SEC23A: variants seen among roughly 807,000 people sequenced by gnomAD.
SEC23A encodes the protein protein transport protein Sec23A.
In SEC23A, 56 loss-of-function variants were observed where a neutral mutation model predicts 103.7. The ratio of observed to expected loss-of-function variants is 0.54; its 90% CI spans 0.44 to 0.67. The LOEUF is 0.67. Among genes scored for constraint, SEC23A ranks in the 30% least tolerant of loss-of-function variants. The pLI is 0.00. For synonymous variants in SEC23A, 281 were observed against 293.0 expected (o/e 0.96, Z 0.42); for missense variants, 784 against 936.4 (o/e 0.84, Z 2.12).
chr14:39,073,646 A>G (rs1460744268), intron 9 of SEC23A, among the ~76,000 whole-genome samples: 24 of 104,914 alleles, frequency 2.3e-4, no homozygotes, highest in African/African-American at 7.8e-4. Flanking sequence ...GTCTAACTCT[A>G]TCGCCAAGGC....
intron 7 of SEC23A, among the ~76,000 whole-genome samples, chr14:39,080,452 G>C (rs982464465): frequency 1.3e-5 from 2 of 152,236 alleles, no homozygotes; most frequent in Admixed American, 1.3e-4. Context: ...TGTCGGCCAG[G>C]CTGGAGTGCA....
rs756632254 is a variant in SEC23A, at chr14:39,095,922, C to T, written c.197G>A (p.Cys66Tyr). 5 of 1,613,780 alleles carry T rather than the reference C, an allele frequency of 3.1e-6. No homozygotes were observed. The highest frequency in any genetic ancestry group is 3.4e-6 in the Non-Finnish European group (4 of 1,179,696). ...YEPVLCSRTTCRAVLNPLCQV... is the reference protein window; with the variant it reads ...YEPVLCSRTTYRAVLNPLCQV... The stretch of plus-strand genomic sequence containing the variant: ...CCATAAAGGATTCAAAACTGCACGG[C>T]AAGTGGTCCTACTACACAGAACAGG... The change falls in exon 2 of 20, where the codon TGC (cysteine) becomes TAC (tyrosine). Residue 66 changes from cysteine (C) to tyrosine (Y), a missense_variant. Physicochemically the swap from Cys to Tyr is radical, Grantham distance 194. Around this residue, in one of 2 missense-constraint regions of SEC23A, gnomAD observed 683 missense variants for 774.2 expected, o/e 0.88. Transcript: ENST00000307712.
intron 18 of SEC23A, chr14:39,040,445 T>C (rs1385211263): frequency 5.0e-6 from 2 of 400,614 alleles, no homozygotes; most frequent in African/African-American, 4.0e-5. Context: ...CATTTTCTTG[T>C]TCAACCAAAG....
chr14:39,075,638 C>T (rs1886986777), intron 8 of SEC23A, among the ~76,000 whole-genome samples: 1 of 152,084 alleles, frequency 6.6e-6, no homozygotes, highest in African/African-American at 2.4e-5. Flanking sequence ...ACAACTTTTC[C>T]TAAACAGAAA....
chr14:39,065,519 C>T (rs1267389650), intron 10 of SEC23A, among the ~76,000 whole-genome samples: 3 of 152,178 alleles, frequency 2.0e-5, no homozygotes, highest in African/African-American at 7.2e-5. Context: ...CTAATGACTT[C>T]TGCCTACACA....
chr14:39,064,897 A>G lies in SEC23A; in HGVS notation c.1308+16T>C. 1 of 1,578,850 alleles carries G rather than the reference A, an allele frequency of 6.3e-7. No homozygotes were observed. The highest frequency in any genetic ancestry group is 8.7e-7 in the Non-Finnish European group (1 of 1,148,130). On this transcript the variant is annotated intron_variant, in intron 11 of 19. Coordinates refer to ENST00000307712, the MANE Select transcript of SEC23A (RefSeq NM_006364.4). ...TCCTGGTCCTGTATTTTCTTTTTAG[A>G]ATAAACACAACTTACATTTTCAGAC...
At chr14:39,049,894 G>A (rs1216323848) in intron 14 of SEC23A, among the ~76,000 whole-genome samples, 1 of 151,426 alleles carries the variant, frequency 6.6e-6, no homozygotes, top group South Asian at 2.1e-4. Flanking sequence ...CCAGGTTCAC[G>A]CCATTCTCCT....
At chr14:39,056,708 C>A (rs8014205) in intron 13 of SEC23A, among the ~76,000 whole-genome samples, 7,935 of 152,084 alleles carry the variant, frequency 0.052, 692 homozygotes, top group African/African-American at 0.18. Context: ...GGCAATCCAC[C>A]CACCTGAACC....
chr14:39,042,753 C>A, intron 17 of SEC23A, 33 bp downstream of exon 17: 1 of 1,345,980 alleles, frequency 7.4e-7, no homozygotes, highest in Non-Finnish European at 1.1e-6. Context: ...AAAGACTTTA[C>A]ATGCATAGCT....
At chr14:39,045,091 T>A (rs1885783361) in intron 16 of SEC23A, 72 bp downstream of exon 16, 15 of 1,300,494 alleles carry the variant, frequency 1.2e-5, no homozygotes, top group Non-Finnish European at 1.7e-5. Flanking sequence ...TGCATTTTTT[T>A]AGTTATTTTC....
At chr14:39,059,299 A>AC (rs1566491544) in intron 13 of SEC23A, among the ~76,000 whole-genome samples, 796 of 75,366 alleles carry the variant, frequency 0.011, 15 homozygotes, top group South Asian at 0.017. Context: ...AAAAAAAAAA[A>AC]AAAAAAAAAA....
At chr14:39,066,209 C>T (rs145892631) in intron 10 of SEC23A, among the ~76,000 whole-genome samples, 8 of 151,994 alleles carry the variant, frequency 5.3e-5, no homozygotes, top group East Asian at 3.9e-4. Flanking sequence ...TATAGCAAGA[C>T]GTGTACCTTA....
At chr14:39,034,911 T>G (rs1010650122) in intron 19 of SEC23A, among the ~76,000 whole-genome samples, 1 of 152,210 alleles carries the variant, frequency 6.6e-6, no homozygotes, top group Non-Finnish European at 1.5e-5. Context: ...CGTTCATGGA[T>G]AATACTTATC....
At chr14:39,067,528 G>A (rs550029975) in intron 9 of SEC23A, among the ~76,000 whole-genome samples, 6 of 28,216 alleles carry the variant, frequency 2.1e-4, no homozygotes, top group Admixed American at 5.2e-4. Flanking sequence ...ATTTGTCCTT[G>A]GTAATTTAAA....
At position 39,091,477 on chromosome 14, in the gene SEC23A, C is replaced by A; in HGVS notation, c.603G>T (p.Gln201His). The part of the protein sequence containing the change: ...GTKDLSAKQL[Q>H]EMLGLSKVPL... ...AAAAACTACCATTCTTGTTGTTTAC[C>A]TGCAGTTGTTTGGCAGACAAATCTT... Residue 201 changes from glutamine (Q) to histidine (H), a missense_variant and splice_region_variant, in exon 5 of 20, where the codon CAG becomes CAT. Physicochemically the swap from Gln to His is conservative, Grantham distance 24. Transcript: ENST00000307712. 2 of 1,608,144 alleles carry A rather than the reference C, an allele frequency of 1.2e-6. No homozygotes were observed. The highest frequency in any genetic ancestry group is 1.7e-6 in the Non-Finnish European group (2 of 1,174,776).
At chr14:39,044,509 T>G (rs1221094593) in intron 16 of SEC23A, among the ~76,000 whole-genome samples, 1 of 152,178 alleles carries the variant, frequency 6.6e-6, no homozygotes, top group East Asian at 1.9e-4. Flanking sequence ...CAATAGATAT[T>G]GTAAATATTC....
Position 39,055,248 on chromosome 14 carries a change from G to A in SEC23A, c.1554C>T (p.Asp518=), listed in dbSNP as rs777142755. ...TQIQNIAASF[D]QEAAAILMAR... ...CCATAAGAATGGCAGCTGCCTCCTGGTCAAAAGATGCAGCAATGTTTTGGA... is the reference window on the plus strand; with the variant it reads ...CCATAAGAATGGCAGCTGCCTCCTGATCAAAAGATGCAGCAATGTTTTGGA... Residue 518 remains aspartate, a synonymous_variant, in exon 14 of 20, where the codon GAC becomes GAT. Coordinates refer to ENST00000307712, the MANE Select transcript of SEC23A (RefSeq NM_006364.4). 3.0e-5 allele frequency: 48 copies of A among 1,613,982 alleles called. No individual in the cohort carries two copies. The highest frequency in any genetic ancestry group is 3.9e-5 in the Non-Finnish European group (46 of 1,180,032).
At chr14:39,088,942 G>A (rs148084723) in intron 5 of SEC23A, among the ~76,000 whole-genome samples, 1 of 152,076 alleles carries the variant, frequency 6.6e-6, no homozygotes, top group East Asian at 1.9e-4. Flanking sequence ...GCCAAAGCAG[G>A]CAGATCACGA....
intron 5 of SEC23A, chr14:39,091,061 AG>A (rs1887645310): frequency 4.9e-6 from 2 of 412,032 alleles, no homozygotes; most frequent in Non-Finnish European, 9.2e-6. Flanking sequence ...GAAGAACCTG[AG>A]GAGTATGATG....
Sources: gnomAD v4.1 joint callset for allele counts (sites outside exome capture counted in the v4.1 genomes callset) on GRCh38, gnomAD v4.1.1 for gene constraint, gnomAD v4.1.1 regional missense constraint, MANE v1.5 for transcripts, NCBI Gene and HGNC (gene_info 2026-07-23, HGNC 2026-07-21) for gene names.